The following TMEM164 variants were observed in gnomAD, a reference collection of about 807,000 sequenced individuals.
The protein encoded by TMEM164 is RP13-360B22.2.
A neutral mutation model predicts 18.8 loss-of-function variants in TMEM164; 4 were observed. The observed-to-expected ratio is 0.21, with a 90% confidence interval of 0.10 to 0.49. The LOEUF (loss-of-function observed/expected upper bound fraction) is 0.49. Ranked by LOEUF, TMEM164 falls within the 20% of genes least tolerant of loss-of-function variation. The probability of loss-of-function intolerance (pLI) is 0.98; values close to 1 mark genes in which losing one functional copy is unlikely to be tolerated. For missense variants in TMEM164, 108 were observed against 239.9 expected (o/e 0.45, Z 3.63); for synonymous variants, 86 against 101.7 (o/e 0.85, Z 0.93).
intron 4 of TMEM164, among the ~76,000 whole-genome samples, chrX:110,137,890 G>GTTGACCT: frequency 8.9e-6 from 1 of 112,294 alleles, no homozygotes; most frequent in East Asian, 2.8e-4. Flanking sequence ...GGAGAGTGGA[G>GTTGACCT]TTGACCTTCC....
chrX:110,137,750 C>T (rs1245136894), intron 4 of TMEM164, among the ~76,000 whole-genome samples: 1 of 112,392 alleles, frequency 8.9e-6, no homozygotes, highest in Non-Finnish European at 1.9e-5. Flanking sequence ...GGGGTCCCTA[C>T]CCTGCAAGAT....
Position 110,017,407 on chromosome X carries a change from T to TTTCTTTCTTTCC in TMEM164, c.390+13254_390+13255insCTTCTTTCTTTC, listed in dbSNP as rs751705118. Among the ~76,000 whole-genome samples, 186 of 36,296 alleles carry TTTCTTTCTTTCC rather than the reference T, an allele frequency of 5.1e-3. 11 individuals are homozygous for TTTCTTTCTTTCC. The highest frequency in any genetic ancestry group is 0.011 in the Middle Eastern group (1 of 91). 31.5% of individuals were successfully genotyped at this position (36,296 alleles called of 115,157 possible). The stretch of plus-strand genomic sequence containing the variant: ...TCCTGGCTGCAGGCCACCTCCTTCC[T>TTTCTTTCTTTCC]TTCTTTCTTTCTTTCTTTCTTTCTT... On this transcript the variant is annotated intron_variant, in intron 2 of 6. Coordinates refer to ENST00000372068, the MANE Select transcript of TMEM164 (RefSeq NM_032227.4).
intron 2 of TMEM164, among the ~76,000 whole-genome samples, chrX:110,066,833 C>T (rs1049712128): frequency 1.8e-5 from 2 of 111,381 alleles, no homozygotes; most frequent in Admixed American, 9.5e-5. Context: ...TTGGAACCTG[C>T]GGGTGGCAGT....
At chrX:110,050,280 T>C (rs1935498979) in intron 2 of TMEM164, among the ~76,000 whole-genome samples, 1 of 111,684 alleles carries the variant, frequency 9.0e-6, no homozygotes, top group South Asian at 3.8e-4. Context: ...CTCCTCATAA[T>C]GTGGCAAAAC....
intron 2 of TMEM164, among the ~76,000 whole-genome samples, chrX:110,004,854 G>A (rs957462687): frequency 7.1e-5 from 8 of 112,034 alleles, no homozygotes; most frequent in African/African-American, 2.3e-4. Context: ...CTGTCATTCT[G>A]TCTCCTATGG....
At chrX:110,089,323 G>A (rs1053033361) in intron 3 of TMEM164, among the ~76,000 whole-genome samples, 1 of 110,977 alleles carries the variant, frequency 9.0e-6, no homozygotes, top group Non-Finnish European at 1.9e-5. Context: ...TCAGCTTCCC[G>A]AGTAGCTGAG....
intron 3 of TMEM164, among the ~76,000 whole-genome samples, chrX:110,077,388 A>G (rs1214491309): frequency 9.0e-6 from 1 of 111,557 alleles, no homozygotes; most frequent in East Asian, 2.8e-4. Context: ...GCAGGCAGTT[A>G]GGTCTTGGTT....
intron 5 of TMEM164, among the ~76,000 whole-genome samples, chrX:110,165,130 G>C (rs2067143292): frequency 1.8e-5 from 2 of 112,684 alleles, no homozygotes; most frequent in South Asian, 7.3e-4. Flanking sequence ...TCGGCATGTT[G>C]CCAAACCCAG....
chrX:110,097,102 GC>G (rs2066033840), intron 3 of TMEM164, among the ~76,000 whole-genome samples: 1 of 111,765 alleles, frequency 8.9e-6, no homozygotes, highest in African/African-American at 3.3e-5. Flanking sequence ...CTCCTGAGTA[GC>G]TGGGATTACA....
chrX:110,152,056 C>CTTTTTTTTTTTTTTTTTTTTTTTCT (rs755801649), intron 5 of TMEM164, among the ~76,000 whole-genome samples: 4 of 77,498 alleles, frequency 5.2e-5, no homozygotes, highest in Non-Finnish European at 7.4e-5. Flanking sequence ...CTTTTCTTTT[C>CTTTTTTTTTTTTTTTTTTTTTTTCT]TTTTTTTTTT....
chrX:110,048,934 GT>G (rs763338553), intron 2 of TMEM164, among the ~76,000 whole-genome samples: 48 of 111,946 alleles, frequency 4.3e-4, no homozygotes, highest in African/African-American at 1.5e-3. Flanking sequence ...TCTGTACAGA[GT>G]GTAGAACATA....
chrX:110,102,050 G>A (rs749455919), intron 3 of TMEM164, among the ~76,000 whole-genome samples: 10 of 107,479 alleles, frequency 9.3e-5, no homozygotes, highest in Non-Finnish European at 1.9e-4. Flanking sequence ...TTCCAGCTGG[G>A]TGCAGTGGCT....
At chrX:110,126,135 C>T (rs186147938) in intron 4 of TMEM164, among the ~76,000 whole-genome samples, 74 of 111,774 alleles carry the variant, frequency 6.6e-4, no homozygotes, top group Admixed American at 2.3e-3. Context: ...ATGGAGAGGA[C>T]GAGATGAGAA....
chrX:110,171,199 C>CTTT (rs1028361207), intron 5 of TMEM164, among the ~76,000 whole-genome samples: 3 of 111,954 alleles, frequency 2.7e-5, no homozygotes, highest in African/African-American at 9.8e-5. Flanking sequence ...AGAGTCCTCT[C>CTTT]TTTGTAGTGA....
rs1449883536 is a variant in TMEM164 at position 110,027,393 on chromosome X, T to C, written c.390+23229T>C. ...CTGTACTTCCCAGAATCAAGTCACC[T>C]TGATCATGATATATTATCTTTTTTA... On this transcript the variant is annotated intron_variant, in intron 2 of 6. Coordinates refer to ENST00000372068, the MANE Select transcript of TMEM164 (RefSeq NM_032227.4). Among the ~76,000 whole-genome samples the C allele has an allele frequency of 3.6e-5, 4 of 111,984 alleles. No individual in the cohort carries two copies. In the East Asian group the frequency reaches 1.1e-3, roughly 31 times the overall value.
At chrX:110,060,747 T>C (rs1249450144) in intron 2 of TMEM164, among the ~76,000 whole-genome samples, 1 of 111,676 alleles carries the variant, frequency 9.0e-6, no homozygotes, top group Non-Finnish European at 1.9e-5. Context: ...TTCACAACCT[T>C]GACTATTTTG....
intron 2 of TMEM164, among the ~76,000 whole-genome samples, chrX:110,019,847 A>G (rs1186525070): frequency 1.8e-5 from 2 of 111,847 alleles, no homozygotes; most frequent in East Asian, 2.8e-4. Context: ...ATCTTCTGTG[A>G]TTTTGGTCCC....
intron 2 of TMEM164, among the ~76,000 whole-genome samples, chrX:110,035,376 C>T (rs997586448): frequency 1.8e-5 from 2 of 110,449 alleles, no homozygotes; most frequent in African/African-American, 3.3e-5. Context: ...AATTTTATAC[C>T]TGATTTTTTT....
intron 2 of TMEM164, among the ~76,000 whole-genome samples, chrX:110,032,506 C>G (rs778781673): frequency 9.0e-6 from 1 of 110,812 alleles, no homozygotes; most frequent in East Asian, 2.8e-4. Flanking sequence ...ATATATACCA[C>G]GTGAAAAGCA....
Sources: gnomAD v4.1 joint callset for allele counts (sites outside exome capture counted in the v4.1 genomes callset) on GRCh38, gnomAD v4.1.1 for gene constraint, MANE v1.5 for transcripts, NCBI Gene and HGNC (gene_info 2026-07-23, HGNC 2026-07-21) for gene names.